The following RANBP2 variants were observed in gnomAD, a reference collection of about 807,000 sequenced individuals.
RANBP2 encodes the protein E3 SUMO-protein ligase RanBP2.
A neutral mutation model predicts 303.6 loss-of-function variants in RANBP2; 57 were observed. The observed-to-expected ratio is 0.19, with a 90% confidence interval of 0.15 to 0.23. RANBP2 has a LOEUF of 0.23. Ranked by LOEUF, RANBP2 falls within the 10% of genes least tolerant of loss-of-function variation. The pLI is 1.00. For synonymous variants in RANBP2, 1,167 were observed against 1,301.5 expected (o/e 0.90, Z 2.23); for missense variants, 3,138 against 3,780.8 (o/e 0.83, Z 4.46).
At chr2:108,891,966 C>G in the RANBP2 span, among the ~76,000 whole-genome samples, 15 of 152,142 alleles carry the variant, frequency 9.9e-5, no homozygotes, top group African/African-American at 3.6e-4. Context: ...TTCCCAGGAC[C>G]CCAGAATATG....
the RANBP2 span, among the ~76,000 whole-genome samples, chr2:109,146,796 C>T: frequency 6.8e-6 from 1 of 146,496 alleles, no homozygotes; most frequent in African/African-American, 2.5e-5. Flanking sequence ...TAGTGCCCCC[C>T]CCATTCCTTC....
the RANBP2 span, among the ~76,000 whole-genome samples, chr2:108,849,275 G>A: frequency 7.7e-4 from 117 of 152,176 alleles, no homozygotes; most frequent in African/African-American, 2.6e-3. Context: ...CTATGAAGAG[G>A]GGAGACAAAA....
At chr2:109,642,742 G>A in the RANBP2 span, among the ~76,000 whole-genome samples, 1 of 152,196 alleles carries the variant, frequency 6.6e-6, no homozygotes, top group Non-Finnish European at 1.5e-5. Context: ...CCACAGAAGG[G>A]AAAATTTTTT....
At chr2:109,496,199 G>A in the RANBP2 span, among the ~76,000 whole-genome samples, 5 of 152,032 alleles carry the variant, frequency 3.3e-5, no homozygotes, top group Admixed American at 6.6e-5. Context: ...TACAGAGTGC[G>A]GATTGGTGCA....
chr2:109,707,549 C>T, the RANBP2 span, among the ~76,000 whole-genome samples: 4 of 152,176 alleles, frequency 2.6e-5, no homozygotes, highest in African/African-American at 4.8e-5. Flanking sequence ...AGGTACCTTG[C>T]TGCAGCTTCT....
At chr2:109,430,439 A>T in the RANBP2 span, among the ~76,000 whole-genome samples, 3 of 151,678 alleles carry the variant, frequency 2.0e-5, no homozygotes, top group Non-Finnish European at 4.4e-5. Context: ...GGCTGTGTGG[A>T]AGCCACCCTC....
chr2:109,188,078 C>T, the RANBP2 span, among the ~76,000 whole-genome samples: 14 of 152,230 alleles, frequency 9.2e-5, no homozygotes, highest in African/African-American at 1.7e-4. Context: ...TGAGTGGTCC[C>T]GAACTGCAGA....
the RANBP2 span, among the ~76,000 whole-genome samples, chr2:109,494,017 C>T: frequency 7.2e-5 from 11 of 152,268 alleles, no homozygotes; most frequent in African/African-American, 1.9e-4. Context: ...GGTCCTGGCC[C>T]TTGTCTGGAG....
At chr2:108,786,270 A>G (rs1397122788), downstream of RANBP2, among the ~76,000 whole-genome samples, 1 of 85,316 alleles carries the variant, frequency 1.2e-5, no homozygotes, top group Non-Finnish European at 2.4e-5. Flanking sequence ...TTTTTTTTTT[A>G]ACTTTAAGAG....
chr2:108,750,602 C>CTTTTCTTTTA (rs367982407), intron 9 of RANBP2, among the ~76,000 whole-genome samples: 3 of 142,120 alleles, frequency 2.1e-5, no homozygotes, highest in Admixed American at 7.0e-5. Context: ...CTTTTCTTTT[C>CTTTTCTTTTA]TTTGAGACAG....
chr2:109,546,940 G>A, the RANBP2 span, among the ~76,000 whole-genome samples: 2 of 152,206 alleles, frequency 1.3e-5, no homozygotes, highest in East Asian at 3.8e-4. Flanking sequence ...AGCAGAATGT[G>A]CAGGACTGTT....
the RANBP2 span, among the ~76,000 whole-genome samples, chr2:109,710,399 A>AT: frequency 2.1e-5 from 3 of 144,932 alleles, no homozygotes; most frequent in Non-Finnish European, 4.6e-5. Context: ...AAAAAAAGTG[A>AT]TTTACTCTAT....
chr2:109,664,399 T>C, the RANBP2 span, among the ~76,000 whole-genome samples: 3 of 145,728 alleles, frequency 2.1e-5, no homozygotes, highest in African/African-American at 7.8e-5. Flanking sequence ...AGGTCAGGAG[T>C]GCGAGACCAG....
the RANBP2 span, among the ~76,000 whole-genome samples, chr2:109,682,067 A>C: frequency 6.6e-6 from 1 of 152,250 alleles, no homozygotes; most frequent in Admixed American, 6.5e-5. Flanking sequence ...AGACTAGTTG[A>C]GGAAACAGTA....
chr2:109,373,341 A>C, the RANBP2 span, among the ~76,000 whole-genome samples: 2 of 152,244 alleles, frequency 1.3e-5, no homozygotes, highest in Non-Finnish European at 2.9e-5. Flanking sequence ...TTACTGGGAT[A>C]CCCAACATAT....
chr2:108,786,158 C>G (rs1678658546), downstream of RANBP2, among the ~76,000 whole-genome samples: 1 of 150,160 alleles, frequency 6.7e-6, no homozygotes, highest in African/African-American at 2.5e-5. Flanking sequence ...TTCCAGGGTG[C>G]TTACATTCTA....
At chr2:109,472,091 TATTA>T in the RANBP2 span, among the ~76,000 whole-genome samples, 21 of 152,236 alleles carry the variant, frequency 1.4e-4, no homozygotes, top group Non-Finnish European at 2.6e-4. Context: ...CTTTTCTAAT[TATTA>T]ATTAGATTGT....
chr2:109,762,444 T>C, the RANBP2 span, among the ~76,000 whole-genome samples: 1 of 149,536 alleles, frequency 6.7e-6, no homozygotes, highest in Non-Finnish European at 1.5e-5. Context: ...GAACTTACTG[T>C]TTCGGTATAT....
chr2:109,614,921 C>A, the RANBP2 span: 1 of 1,476,906 alleles, frequency 6.8e-7, no homozygotes, highest in Non-Finnish European at 8.9e-7. Context: ...CCCCCGCGCA[C>A]TGGCCGCCCC....
Sources: gnomAD v4.1 joint callset for allele counts (sites outside exome capture counted in the v4.1 genomes callset) on GRCh38, gnomAD v4.1.1 for gene constraint, MANE v1.5 for transcripts, NCBI Gene and HGNC (gene_info 2026-07-23, HGNC 2026-07-21) for gene names.